MYH2: variants seen among roughly 807,000 people sequenced by gnomAD.
MYH2 encodes the protein myosin heavy chain 2, also known as myosin-2.
Under a neutral mutation model 228.1 loss-of-function variants are expected in MYH2, and 139 were observed. The ratio of observed to expected loss-of-function variants is 0.61; its 90% CI spans 0.53 to 0.70. The LOEUF (loss-of-function observed/expected upper bound fraction) is 0.70, where lower values mean the gene tolerates loss of function less well. Among genes scored for constraint, MYH2 ranks in the 30% least tolerant of loss-of-function variants. MYH2 has a pLI of 0.00. For synonymous variants in MYH2, 796 were observed against 871.1 expected (o/e 0.91, Z 1.52); for missense variants, 1,809 against 2,357.5 (o/e 0.77, Z 4.82).
chr17:10,538,276 A>G (rs1325006050), intron 14 of MYH2, among the ~76,000 whole-genome samples: 1 of 151,958 alleles, frequency 6.6e-6, no homozygotes, highest in East Asian at 1.9e-4. Context: ...CAAGTGAACA[A>G]TAATTTGCCA....
In MYH2 at chr17:10,533,271, C is replaced by A; in HGVS notation, c.2441+14G>T. On this transcript the variant is annotated intron_variant, in intron 21 of 39. Coordinates refer to ENST00000245503, the MANE Select transcript of MYH2 (RefSeq NM_017534.6). Reference sequence around the variant, plus strand: ...TTTGAAGATGGAATATGTGAATAAACATATTTTTTATACCTTCTCTCCACC... The same window carrying A: ...TTTGAAGATGGAATATGTGAATAAAAATATTTTTTATACCTTCTCTCCACC... 6.2e-7 allele frequency: 1 copy of A among 1,613,932 alleles called. No individual in the cohort carries two copies. The highest frequency in any genetic ancestry group is 1.1e-5 in the South Asian group (1 of 91,074).
rs1235197318 is a variant in MYH2, at chr17:10,529,452, T to C, written c.3147A>G (p.Lys1049=). ...TAGCCCTTTCTAGGTCCATGCGAAG[T>C]TTCTTTTCTTGCTCCAAGGACCCTT... ...DLEGSLEQEK[K]LRMDLERAKR... The change falls in exon 25 of 40, where the codon AAA becomes AAG. Residue 1049 remains lysine (K), a synonymous_variant. Transcript: ENST00000245503. 6.2e-7 allele frequency: 1 copy of C among 1,614,214 alleles called. No homozygotes were observed.
chr17:10,546,855 G>A (rs966181259), intron 4 of MYH2, among the ~76,000 whole-genome samples: 23 of 152,066 alleles, frequency 1.5e-4, no homozygotes, highest in Admixed American at 6.5e-4. Context: ...CAAGGCAGGC[G>A]GATCATTTGA....
intron 19 of MYH2, 40 bp from the exon 20 acceptor site, chr17:10,533,672 A>G (rs1327983120): frequency 6.2e-7 from 1 of 1,605,178 alleles, no homozygotes; most frequent in Non-Finnish European, 8.5e-7. Flanking sequence ...TAGTTTACTG[A>G]TGACACAAAT....
intron 17 of MYH2, among the ~76,000 whole-genome samples, chr17:10,536,082 A>G (rs1395053229): frequency 2.6e-5 from 4 of 152,224 alleles, no homozygotes; most frequent in Non-Finnish European, 5.9e-5. Flanking sequence ...TGAACTAATA[A>G]TTTCTGAGTA....
Position 10,540,073 on chromosome 17 carries a change from A to G in MYH2, c.1009-7T>C. 1 of 1,614,000 alleles carries G rather than the reference A, an allele frequency of 6.2e-7. No homozygotes were observed. The highest frequency in any genetic ancestry group is 8.5e-7 in the Non-Finnish European group (1 of 1,179,950). ...CCAAAATATCAATAGCACTCTGTCAATATAACCAATAGGATAGCTGTTAGG... is the reference window on the plus strand; with the variant it reads ...CCAAAATATCAATAGCACTCTGTCAGTATAACCAATAGGATAGCTGTTAGG... On this transcript the variant is annotated splice_region_variant and splice_polypyrimidine_tract_variant and intron_variant, in intron 11 of 39. Coordinates refer to ENST00000245503, the MANE Select transcript of MYH2 (RefSeq NM_017534.6).
chr17:10,546,255 T>TTATATATATATA (rs1376514619), intron 4 of MYH2, among the ~76,000 whole-genome samples: 305 of 27,148 alleles, frequency 0.011, 11 homozygotes, highest in South Asian at 0.033. Context: ...GGACACGAAA[T>TTATATATATATA]GATATATATA....
chr17:10,540,957 A>G (rs1456602788), intron 10 of MYH2, among the ~76,000 whole-genome samples: 1 of 152,198 alleles, frequency 6.6e-6, no homozygotes, highest in Non-Finnish European at 1.5e-5. Flanking sequence ...GATTTCATGG[A>G]CATTTATCAC....
rs574329822 is a variant in MYH2, at chr17:10,545,329, G to A, written c.505+17C>T. The A allele has an allele frequency of 4.3e-6, 7 of 1,612,868 alleles. No individual in the cohort carries two copies. In the South Asian group the frequency reaches 6.6e-5, roughly 15 times the overall value. On this transcript the variant is annotated intron_variant, in intron 5 of 39. Coordinates refer to ENST00000245503, the MANE Select transcript of MYH2 (RefSeq NM_017534.6). Reference sequence around the variant, plus strand: ...CTCTAAAGGTTTACGCACTTGCAAAGCATTCGGCTCACTCACCAGTCAGCA... The same window carrying A: ...CTCTAAAGGTTTACGCACTTGCAAAACATTCGGCTCACTCACCAGTCAGCA...
chr17:10,535,094 A>G lies in MYH2; in HGVS notation c.2159T>C (p.Leu720Pro). Residue 720 changes from leucine (L) to proline (P), a missense_variant, in exon 19 of 40, where the codon CTT becomes CCT. By Grantham distance (98) the Leu-to-Pro change is moderately conservative. This residue lies in a region of MYH2 where 276 missense variants were observed against 344.2 expected (regional missense o/e 0.80). Coordinates refer to ENST00000245503, the MANE Select transcript of MYH2 (RefSeq NM_017534.6). ...TGACCTCTGTTTGAAGTCTGCATAAAGGATTCTGCTTGGAAATCCTTTCCT... is the reference window on the plus strand; with the variant it reads ...TGACCTCTGTTTGAAGTCTGCATAAGGGATTCTGCTTGGAAATCCTTTCCT... ...ICRKGFPSRI[L>P]YADFKQRYKV... 1 of 1,614,166 alleles carries G rather than the reference A, an allele frequency of 6.2e-7. No individual in the cohort carries two copies. The highest frequency in any genetic ancestry group is 8.5e-7 in the Non-Finnish European group (1 of 1,179,996).
intron 39 of MYH2, among the ~76,000 whole-genome samples, chr17:10,521,750 A>T (rs1003063437): frequency 6.6e-5 from 10 of 152,118 alleles, no homozygotes; most frequent in African/African-American, 1.9e-4. Context: ...AATGCTTGCT[A>T]TAAGATGATG....
At chr17:10,541,194 T>C (rs1045263223) in intron 10 of MYH2, among the ~76,000 whole-genome samples, 5 of 152,300 alleles carry the variant, frequency 3.3e-5, no homozygotes, top group African/African-American at 9.6e-5. Context: ...AGATAACCAT[T>C]AGGTCTGGCT....
Position 10,529,056 on chromosome 17 carries a change from C to G in MYH2, c.3378G>C (p.Glu1126Asp). ...GGGAGGCCCGCTCTGCCTCGATTTC[C>G]TCCTCCAGCTCCTCAATGCGGGCCT... is the stretch of plus-strand genomic sequence containing the variant. ...ELQARIEELE[E>D]EIEAERASRA... The change falls in exon 27 of 40, where the codon GAG becomes GAC. Residue 1126 changes from glutamate (E) to aspartate (D), a missense_variant. Glu to Asp is a conservative substitution (Grantham distance 45). This residue lies in a region of MYH2 where 636 missense variants were observed against 729.9 expected (regional missense o/e 0.87). Transcript: ENST00000245503. The G allele has an allele frequency of 6.2e-7, 1 of 1,614,252 alleles. No individual in the cohort carries two copies.
chr17:10,528,651 G>A (rs749874095), intron 27 of MYH2, 39 bp downstream of exon 27: 15 of 1,613,518 alleles, frequency 9.3e-6, no homozygotes, highest in Non-Finnish European at 1.3e-5. Flanking sequence ...TGTCCATAAT[G>A]CATTATTTTC....
intron 19 of MYH2, among the ~76,000 whole-genome samples, chr17:10,534,814 G>A (rs904964571): frequency 5.3e-5 from 8 of 152,210 alleles, no homozygotes; most frequent in African/African-American, 1.9e-4. Flanking sequence ...CTACTTGGGA[G>A]GCTGAGGCAG....
At chr17:10,541,125 A>G (rs868387448) in intron 10 of MYH2, among the ~76,000 whole-genome samples, 1 of 152,214 alleles carries the variant, frequency 6.6e-6, no homozygotes, top group Non-Finnish European at 1.5e-5. Context: ...TTTAAACAAT[A>G]TGAAATCTGG....
chr17:10,523,050 A>C, intron 39 of MYH2, 40 bp downstream of exon 39: 1 of 1,392,764 alleles, frequency 7.2e-7, no homozygotes. Context: ...GTAATTATTT[A>C]TTAGCTTAAT....
chr17:10,525,487 G>C lies in MYH2; in HGVS notation c.4501C>G (p.Leu1501Val), dbSNP rs2073339707. 5 of 1,614,182 alleles carry C rather than the reference G, an allele frequency of 3.1e-6. No individual in the cohort carries two copies. In the African/African-American group the frequency reaches 5.3e-5, roughly 17 times the overall value. The change falls in exon 32 of 40, where the codon CTA (leucine) becomes GTA (valine). Residue 1501 changes from leucine (L) to valine (V), a missense_variant. This residue lies in a region of MYH2 where 636 missense variants were observed against 729.9 expected (regional missense o/e 0.87). Coordinates refer to ENST00000245503, the MANE Select transcript of MYH2 (RefSeq NM_017534.6). This position sits in a 1 kb window ranked among gnomAD's most constrained non-coding sequence, Gnocchi z 4.2. Reference sequence around the variant, plus strand: ...TTGTTCTCTCGCTTCAGGGTTTCTAGCTGATCCAAAGATTCCTCATAGGCA... The same window carrying C: ...TTGTTCTCTCGCTTCAGGGTTTCTACCTGATCCAAAGATTCCTCATAGGCA... Reference protein sequence around the residue: ...KNAYEESLDQLETLKRENKNL... With the variant: ...KNAYEESLDQVETLKRENKNL...
intron 22 of MYH2, among the ~76,000 whole-genome samples, chr17:10,530,552 C>A: frequency 1.3e-5 from 2 of 149,850 alleles, no homozygotes; most frequent in African/African-American, 2.5e-5. Context: ...TTTTGTAGTA[C>A]TGGAGGATGC....
Sources: allele counts gnomAD v4.1 joint callset (sites outside exome capture counted in the v4.1 genomes callset), GRCh38; gene constraint gnomAD v4.1.1; regional missense constraint gnomAD v4.1.1; non-coding constraint Gnocchi (gnomAD v3.1); transcripts MANE v1.5; gene names NCBI Gene and HGNC (gene_info 2026-07-23, HGNC 2026-07-21).